The following CDH13 variants were observed in gnomAD, a reference collection of about 807,000 sequenced individuals.
The protein encoded by CDH13 is cadherin 13, also known as cadherin-13.
Under a neutral mutation model 63.8 loss-of-function variants are expected in CDH13, and 24 were observed. That is an observed-to-expected ratio of 0.38 (90% CI 0.27 to 0.53). The LOEUF is 0.53. Ranked by LOEUF, CDH13 falls within the 20% of genes least tolerant of loss-of-function variation. The pLI is 0.85. For missense variants in CDH13, 1,049 were observed against 903.1 expected, an observed-to-expected ratio of 1.16 and a Z score of -2.07; for synonymous variants, 503 against 355.3, an observed-to-expected ratio of 1.42 and a Z score of -4.67.
At chr16:82,789,861 C>T (rs1365240390) in intron 1 of CDH13, among the ~76,000 whole-genome samples, 1 of 152,134 alleles carries the variant, frequency 6.6e-6, no homozygotes, top group Non-Finnish European at 1.5e-5. Context: ...CAGAGCATCT[C>T]CTCACTGGAC....
intron 10 of CDH13, among the ~76,000 whole-genome samples, chr16:83,746,550 A>G (rs184624916): frequency 4.3e-4 from 66 of 152,286 alleles, no homozygotes; most frequent in African/African-American, 1.5e-3. Context: ...CTCGGGGTTA[A>G]CTTGCTCCAA....
chr16:83,426,610 A>G (rs967739135), intron 6 of CDH13, among the ~76,000 whole-genome samples: 9 of 152,038 alleles, frequency 5.9e-5, no homozygotes, highest in African/African-American at 9.7e-5. Flanking sequence ...GAGGGATCCA[A>G]CATGGACTGG....
At chr16:83,739,421 T>C (rs998527735) in intron 10 of CDH13, among the ~76,000 whole-genome samples, 4 of 152,186 alleles carry the variant, frequency 2.6e-5, no homozygotes, top group African/African-American at 9.7e-5. Context: ...TGTTGCCCCA[T>C]GTGCCTTTTT....
intron 3 of CDH13, among the ~76,000 whole-genome samples, chr16:83,061,559 C>G (rs1243799669): frequency 6.6e-6 from 1 of 152,170 alleles, no homozygotes; most frequent in African/African-American, 2.4e-5. Context: ...GGAAGATGTT[C>G]TCCTATGTCC....
At chr16:83,494,140 C>A (rs1339848237) in intron 7 of CDH13, among the ~76,000 whole-genome samples, 2 of 151,992 alleles carry the variant, frequency 1.3e-5, no homozygotes, top group African/African-American at 4.8e-5. Flanking sequence ...TAAGATATTT[C>A]TTTTCTTTTT....
chr16:83,666,289 T>C (rs1377957717), intron 8 of CDH13, among the ~76,000 whole-genome samples: 1 of 152,196 alleles, frequency 6.6e-6, no homozygotes, highest in Non-Finnish European at 1.5e-5. Context: ...GTTAAAACAT[T>C]GAATAGAATT....
intron 6 of CDH13, among the ~76,000 whole-genome samples, chr16:83,458,504 T>C (rs543625546): frequency 6.6e-5 from 10 of 152,326 alleles, no homozygotes; most frequent in Middle Eastern, 3.4e-3. Flanking sequence ...TTTACAAACC[T>C]ATGGAGTTAT....
At chr16:82,679,280 G>A (rs1914279675) in intron 1 of CDH13, among the ~76,000 whole-genome samples, 1 of 152,164 alleles carries the variant, frequency 6.6e-6, no homozygotes, top group African/African-American at 2.4e-5. Flanking sequence ...TACCTGGGAA[G>A]CTGTTGTTGA....
At chr16:83,582,483 T>G (rs1905711028) in intron 7 of CDH13, among the ~76,000 whole-genome samples, 1 of 151,866 alleles carries the variant, frequency 6.6e-6, no homozygotes, top group South Asian at 2.1e-4. Context: ...ATGTTTCTAG[T>G]AGAAAAAAAA....
intron 2 of CDH13, among the ~76,000 whole-genome samples, chr16:82,990,787 C>A (rs1193917457): frequency 1.3e-5 from 2 of 152,038 alleles, no homozygotes; most frequent in South Asian, 2.1e-4. Context: ...CTGAAGTGAT[C>A]CATCTTGGCC....
intron 10 of CDH13, among the ~76,000 whole-genome samples, chr16:83,718,182 ACT>A (rs1447442596): frequency 6.6e-6 from 1 of 152,008 alleles, no homozygotes; most frequent in Non-Finnish European, 1.5e-5. Context: ...CAGCCCACAC[ACT>A]CTGCATTGTC....
At position 83,175,861 on chromosome 16, in the gene CDH13, T is replaced by G. The variant is rs182668294; in HGVS notation, c.484-41484T>G. ...TTTTTTTTTTGAGACGGAGTTTCAC[T>G]CTTATTGCCCAGGCTAGAGTGTAAT... On this transcript the variant is annotated intron_variant, in intron 4 of 13. Coordinates refer to ENST00000567109, the MANE Select transcript of CDH13 (RefSeq NM_001257.5). Among the ~76,000 whole-genome samples, 356 of 140,980 alleles carry G rather than the reference T, an allele frequency of 2.5e-3. 5 individuals are homozygous for G. Among genetic ancestry groups the G allele is most frequent in the African/African-American group, 8.7e-3 (336 of 38,452 alleles). The allele number at this position is 140,980 out of a possible 152,430, so 92.5% of individuals were successfully genotyped here.
intron 1 of CDH13, among the ~76,000 whole-genome samples, chr16:82,832,416 T>C (rs141922549): frequency 1.3e-5 from 2 of 152,296 alleles, no homozygotes; most frequent in East Asian, 3.9e-4. Flanking sequence ...GGTGTGACTT[T>C]TCATCTCTTC....
At chr16:83,722,321 C>T (rs560289426) in intron 10 of CDH13, among the ~76,000 whole-genome samples, 1 of 152,288 alleles carries the variant, frequency 6.6e-6, no homozygotes, top group Non-Finnish European at 1.5e-5. Flanking sequence ...TACATATGTA[C>T]AGTGTCCAAC....
intron 3 of CDH13, among the ~76,000 whole-genome samples, chr16:83,115,318 A>G (rs926563135): frequency 6.6e-5 from 10 of 152,224 alleles, no homozygotes; most frequent in African/African-American, 1.7e-4. Flanking sequence ...TAATCATACA[A>G]TGTGTTTAGC....
At chr16:83,636,924 A>C (rs764967805) in intron 8 of CDH13, among the ~76,000 whole-genome samples, 4 of 152,112 alleles carry the variant, frequency 2.6e-5, no homozygotes, top group Non-Finnish European at 5.9e-5. Context: ...AACATCTGTA[A>C]TTTTTTGACT....
intron 6 of CDH13, among the ~76,000 whole-genome samples, chr16:83,354,563 C>A (rs1438318992): frequency 1.3e-5 from 2 of 152,128 alleles, no homozygotes; most frequent in Non-Finnish European, 2.9e-5. Flanking sequence ...TAAAATAAAA[C>A]AAGGTACATT....
intron 2 of CDH13, among the ~76,000 whole-genome samples, chr16:82,880,836 C>G (rs919649444): frequency 1.3e-5 from 2 of 152,162 alleles, no homozygotes; most frequent in African/African-American, 4.8e-5. Flanking sequence ...TTAGATACAA[C>G]TCCTGACTTT....
intron 6 of CDH13, among the ~76,000 whole-genome samples, chr16:83,410,919 C>T (rs893616688): frequency 8.5e-5 from 13 of 152,188 alleles, no homozygotes; most frequent in Admixed American, 2.6e-4. Flanking sequence ...CCACCACTTA[C>T]GATCCAATCA....
Sources: allele counts gnomAD v4.1 joint callset (sites outside exome capture counted in the v4.1 genomes callset), GRCh38; gene constraint gnomAD v4.1.1; transcripts MANE v1.5; gene names NCBI Gene and HGNC (gene_info 2026-07-23, HGNC 2026-07-21).